ZNF804B: variants seen among roughly 807,000 people sequenced by gnomAD.
ZNF804B encodes the protein zinc finger protein 804B.
In ZNF804B, 80 loss-of-function variants were observed where a neutral mutation model predicts 101.4. The ratio of observed to expected loss-of-function variants is 0.79; its 90% CI spans 0.66 to 0.95. The LOEUF is 0.95. Ranked by LOEUF, ZNF804B falls within the 40% of genes least tolerant of loss-of-function variation. The pLI is 0.00. For synonymous variants in ZNF804B, 622 were observed against 558.8 expected (o/e 1.11, Z -1.59); for missense variants, 1,673 against 1,561.9 (o/e 1.07, Z -1.20).
chr7:89,334,108 A>T lies in ZNF804B; in HGVS notation c.1126A>T (p.Ser376Cys). ...SFSPPNIYNH[S>C]DARISECLDE... is the part of the protein sequence containing the mutation. Reference sequence around the variant, plus strand: ...CAGCCCACCAAACATTTACAACCATAGTGATGCCAGGATATCTGAATGCCT... The same window carrying T: ...CAGCCCACCAAACATTTACAACCATTGTGATGCCAGGATATCTGAATGCCT... Residue 376 changes from serine to cysteine, a missense_variant, in exon 4 of 4, where the codon AGT becomes TGT. Coordinates refer to ENST00000333190, the MANE Select transcript of ZNF804B (RefSeq NM_181646.5). The T allele has an allele frequency of 6.2e-7, 1 of 1,613,746 alleles. No individual in the cohort carries two copies. Among genetic ancestry groups the T allele is most frequent in the Non-Finnish European group, 8.5e-7 (1 of 1,179,830 alleles).
intron 1 of ZNF804B, among the ~76,000 whole-genome samples, chr7:88,833,072 G>T (rs1276430198): frequency 6.7e-6 from 1 of 150,238 alleles, no homozygotes; most frequent in African/African-American, 2.4e-5. Context: ...TTTTTAACCT[G>T]TTGTAAATTT....
At chr7:89,043,259 T>A (rs1284804546) in intron 1 of ZNF804B, among the ~76,000 whole-genome samples, 1 of 152,102 alleles carries the variant, frequency 6.6e-6, no homozygotes, top group Admixed American at 6.5e-5. Flanking sequence ...AAGATGAGGG[T>A]CAGTTTGAAG....
intron 1 of ZNF804B, among the ~76,000 whole-genome samples, chr7:88,833,257 C>T (rs1791159756): frequency 6.6e-6 from 1 of 151,538 alleles, no homozygotes; most frequent in Non-Finnish European, 1.5e-5. Context: ...CTAGTTATCT[C>T]CCCTTTCTAA....
At chr7:89,109,605 C>G (rs1162433492) in intron 1 of ZNF804B, among the ~76,000 whole-genome samples, 2 of 152,136 alleles carry the variant, frequency 1.3e-5, no homozygotes, top group East Asian at 3.9e-4. Context: ...CTCTCATTCC[C>G]ACATTTTTGC....
chr7:88,827,251 TTAAC>T (rs1360091175), intron 1 of ZNF804B, among the ~76,000 whole-genome samples: 2 of 151,796 alleles, frequency 1.3e-5, no homozygotes, highest in African/African-American at 2.4e-5. Flanking sequence ...AATAAACTCA[TTAAC>T]TAGGGAACTT....
chr7:89,302,823 C>T (rs1790496006), intron 2 of ZNF804B, among the ~76,000 whole-genome samples: 1 of 151,920 alleles, frequency 6.6e-6, no homozygotes, highest in African/African-American at 2.4e-5. Flanking sequence ...TCTTTTCCAT[C>T]TTCATCTAGG....
At chr7:89,186,123 A>G (rs1173114370) in intron 1 of ZNF804B, among the ~76,000 whole-genome samples, 4 of 152,216 alleles carry the variant, frequency 2.6e-5, no homozygotes, top group African/African-American at 9.6e-5. Context: ...TGTACATATT[A>G]TCAATTTTAT....
intron 1 of ZNF804B, among the ~76,000 whole-genome samples, chr7:89,178,330 T>C (rs1019268625): frequency 2.0e-5 from 3 of 151,634 alleles, no homozygotes; most frequent in Admixed American, 6.6e-5. Flanking sequence ...GGTTTTGTGG[T>C]TTCTTTTCCT....
chr7:89,034,029 G>A (rs1470263579), intron 1 of ZNF804B, among the ~76,000 whole-genome samples: 2 of 151,790 alleles, frequency 1.3e-5, no homozygotes, highest in Non-Finnish European at 2.9e-5. Context: ...AATTTTTTAG[G>A]TCTAATTGAT....
intron 1 of ZNF804B, among the ~76,000 whole-genome samples, chr7:88,889,193 T>C (rs1346160112): frequency 6.6e-6 from 1 of 152,216 alleles, no homozygotes; most frequent in Non-Finnish European, 1.5e-5. Flanking sequence ...AGTCCACCAC[T>C]GATGGGCACC....
intron 2 of ZNF804B, among the ~76,000 whole-genome samples, chr7:89,235,229 A>AT (rs1789262605): frequency 6.6e-6 from 1 of 152,124 alleles, no homozygotes; most frequent in Non-Finnish European, 1.5e-5. Context: ...ATTTCTGTTT[A>AT]TTTTTTCCAG....
intron 2 of ZNF804B, among the ~76,000 whole-genome samples, chr7:89,265,773 T>A (rs990019226): frequency 6.6e-6 from 1 of 152,220 alleles, no homozygotes; most frequent in Non-Finnish European, 1.5e-5. Flanking sequence ...AGCAGTAATA[T>A]ATCTTCTGCC....
At chr7:88,962,483 A>G (rs1793399219) in intron 1 of ZNF804B, among the ~76,000 whole-genome samples, 1 of 150,924 alleles carries the variant, frequency 6.6e-6, no homozygotes, top group Non-Finnish European at 1.5e-5. Flanking sequence ...TTGAAAAAGC[A>G]CAGAAAGAAG....
intron 1 of ZNF804B, among the ~76,000 whole-genome samples, chr7:89,156,871 T>C (rs1242222508): frequency 6.6e-6 from 1 of 152,178 alleles, no homozygotes; most frequent in Non-Finnish European, 1.5e-5. Context: ...TTTTCAAAGA[T>C]GGCAATTACT....
intron 1 of ZNF804B, among the ~76,000 whole-genome samples, chr7:89,072,587 G>A (rs368632618): frequency 1.3e-5 from 2 of 152,050 alleles, no homozygotes; most frequent in African/African-American, 4.8e-5. Context: ...TGGAGTATAT[G>A]AATAAGTTGT....
rs369408292 is a variant in ZNF804B at position 89,333,603 on chromosome 7, T to A, written c.621T>A (p.Ser207=). The A allele has an allele frequency of 1.2e-5, 19 of 1,613,518 alleles. No homozygotes were observed. The African/African-American group carries it at 2.1e-4, about 18-fold the overall frequency. The change falls in exon 4 of 4, where the codon TCT becomes TCA. Residue 207 remains serine, a synonymous_variant. Coordinates refer to ENST00000333190, the MANE Select transcript of ZNF804B (RefSeq NM_181646.5). ...CLFGNQVLQT[S]SDLSNANHRT... ...TTGGAAATCAGGTACTGCAAACATC[T>A]TCAGATCTCAGCAATGCAAATCACA...
At chr7:88,999,028 A>C (rs1160717803) in intron 1 of ZNF804B, among the ~76,000 whole-genome samples, 2 of 152,112 alleles carry the variant, frequency 1.3e-5, no homozygotes, top group Non-Finnish European at 2.9e-5. Flanking sequence ...TTTAGTCATA[A>C]GTTTACTTCA....
chr7:89,179,163 G>A (rs1336267293), intron 1 of ZNF804B, among the ~76,000 whole-genome samples: 1 of 152,018 alleles, frequency 6.6e-6, no homozygotes, highest in Non-Finnish European at 1.5e-5. Context: ...AATCTGCATG[G>A]TATTTAATAA....
intron 1 of ZNF804B, among the ~76,000 whole-genome samples, chr7:89,086,404 A>G (rs1789801599): frequency 6.6e-6 from 1 of 151,930 alleles, no homozygotes; most frequent in African/African-American, 2.4e-5. Flanking sequence ...CATATCTTTA[A>G]TCATATCTCA....
Sources: gnomAD v4.1 joint callset for allele counts (sites outside exome capture counted in the v4.1 genomes callset) on GRCh38, gnomAD v4.1.1 for gene constraint, MANE v1.5 for transcripts, NCBI Gene and HGNC (gene_info 2026-07-23, HGNC 2026-07-21) for gene names.